PDZD2: variants seen among roughly 807,000 people sequenced by gnomAD.
PDZD2 encodes PDZ domain containing 2.
PDZD2 carries 90 observed loss-of-function variants against 220.7 expected under a neutral mutation model. The observed-to-expected ratio is 0.41, with a 90% CI of 0.34 to 0.49. The LOEUF (loss-of-function observed/expected upper bound fraction) is 0.49, where lower values mean the gene tolerates loss of function less well. Ranked by LOEUF, PDZD2 falls within the 20% of genes least tolerant of loss-of-function variation. The probability of loss-of-function intolerance (pLI) is 0.28; values close to 1 mark genes in which losing one functional copy is unlikely to be tolerated. For missense variants in PDZD2, 3,174 were observed against 3,608.5 expected (o/e 0.88, Z 3.08); for synonymous variants, 1,375 against 1,450.5 (o/e 0.95, Z 1.18).
intron 1 of PDZD2, among the ~76,000 whole-genome samples, chr5:31,725,199 G>C (rs367806538): frequency 6.6e-6 from 1 of 151,960 alleles, no homozygotes; most frequent in Non-Finnish European, 1.5e-5. Flanking sequence ...TTAGCCAGGC[G>C]TGGTGGCACA....
chr5:31,871,342 GA>G (rs1738774641), intron 2 of PDZD2, among the ~76,000 whole-genome samples: 1 of 152,210 alleles, frequency 6.6e-6, no homozygotes, highest in South Asian at 2.1e-4. Flanking sequence ...ATCTAATGGA[GA>G]AGTCTTTAAT....
At chr5:31,944,247 A>G (rs1746449071) in intron 2 of PDZD2, among the ~76,000 whole-genome samples, 1 of 152,210 alleles carries the variant, frequency 6.6e-6, no homozygotes, top group Non-Finnish European at 1.5e-5. Flanking sequence ...AGAAGGAAGA[A>G]AAGGAACCCT....
chr5:31,762,140 C>T (rs949010867), intron 1 of PDZD2, among the ~76,000 whole-genome samples: 1 of 152,220 alleles, frequency 6.6e-6, no homozygotes, highest in African/African-American at 2.4e-5. Context: ...CCCCTCCTAC[C>T]AGGCTCCACC....
intron 1 of PDZD2, among the ~76,000 whole-genome samples, chr5:31,791,538 C>T (rs1010949912): frequency 6.7e-5 from 9 of 133,812 alleles, no homozygotes; most frequent in Admixed American, 8.9e-5. Flanking sequence ...TATGGTGAGC[C>T]GAGATCGTGC....
At chr5:31,881,536 C>T (rs188412524) in intron 2 of PDZD2, among the ~76,000 whole-genome samples, 2 of 151,700 alleles carry the variant, frequency 1.3e-5, no homozygotes, top group African/African-American at 4.8e-5. Flanking sequence ...TGCTACCATG[C>T]CTGGCAAATT....
chr5:32,041,704 C>T (rs372388298), intron 7 of PDZD2, among the ~76,000 whole-genome samples: 3,117 of 151,954 alleles, frequency 0.021, 110 homozygotes, highest in African/African-American at 0.07. Context: ...ACAAACACTG[C>T]GGAAGGCCAC....
chr5:31,743,721 C>A (rs1026687722), intron 1 of PDZD2, among the ~76,000 whole-genome samples: 7 of 152,034 alleles, frequency 4.6e-5, no homozygotes, highest in African/African-American at 1.7e-4. Flanking sequence ...GTCCATCTAT[C>A]CCCAGCAACC....
At chr5:31,993,866 T>C (rs1308927183) in intron 3 of PDZD2, among the ~76,000 whole-genome samples, 1 of 152,156 alleles carries the variant, frequency 6.6e-6, no homozygotes, top group Non-Finnish European at 1.5e-5. Context: ...GCTAAGGACT[T>C]GGGGGAAGTC....
intron 2 of PDZD2, among the ~76,000 whole-genome samples, chr5:31,920,926 C>T (rs1286355623): frequency 1.3e-5 from 2 of 152,196 alleles, no homozygotes; most frequent in Non-Finnish European, 2.9e-5. Context: ...AAGTTTCCTT[C>T]ATGTCTTCGT....
At chr5:31,874,046 T>C (rs115459295) in intron 2 of PDZD2, among the ~76,000 whole-genome samples, 149 of 152,220 alleles carry the variant, frequency 9.8e-4, no homozygotes, top group Non-Finnish European at 1.6e-3. Context: ...TGAGTCTTAA[T>C]TGGGTGCAGG....
At chr5:31,890,468 G>T (rs952709570) in intron 2 of PDZD2, among the ~76,000 whole-genome samples, 1 of 152,116 alleles carries the variant, frequency 6.6e-6, no homozygotes, top group Non-Finnish European at 1.5e-5. Context: ...TCGATTCCCG[G>T]TAGGGAAAAA....
intron 2 of PDZD2, among the ~76,000 whole-genome samples, chr5:31,907,280 G>A (rs988208491): frequency 6.6e-6 from 1 of 152,222 alleles, no homozygotes; most frequent in Non-Finnish European, 1.5e-5. Flanking sequence ...TTCCTGGGTT[G>A]TAGATGGCTG....
chr5:31,782,707 A>T (rs1285258938), intron 1 of PDZD2, among the ~76,000 whole-genome samples: 4 of 96,512 alleles, frequency 4.1e-5, no homozygotes, highest in Admixed American at 1.3e-4. Context: ...ACCACTTTAG[A>T]TTTTTTTTTT....
intron 1 of PDZD2, among the ~76,000 whole-genome samples, chr5:31,714,949 C>T (rs919294481): frequency 4.6e-5 from 7 of 151,752 alleles, no homozygotes; most frequent in African/African-American, 1.7e-4. Context: ...GTCTCAGCTA[C>T]TCGGGAGGCT....
intron 1 of PDZD2, among the ~76,000 whole-genome samples, chr5:31,645,333 CT>C (rs1226259458): frequency 0.3 from 37,248 of 122,758 alleles, 6,333 homozygotes; most frequent in African/African-American, 0.52. Context: ...CTCTTGGTCT[CT>C]TTTTTTTTTT....
chr5:32,048,398 C>T (rs1738183476), intron 7 of PDZD2, 141 bp from the exon 8 acceptor site: 1 of 663,948 alleles, frequency 1.5e-6, no homozygotes, highest in African/African-American at 1.8e-5. Flanking sequence ...ATGGGCTAGG[C>T]TCTGTGCTTT....
rs1231464584 is a variant in PDZD2, at chr5:31,639,162, G to T, written c.-636G>T. ...CGGCGGATCCCCTGCGCAGCGAGGC[G>T]AGGAGCGGACCCCAGCGCCGGTGCG... is the stretch of plus-strand genomic sequence containing the variant. On this transcript the variant is annotated 5_prime_UTR_variant, in exon 1 of 25. Transcript: ENST00000438447. This position sits in a 1 kb window ranked among gnomAD's most constrained non-coding sequence, Gnocchi z 4.1. 6.6e-6 allele frequency among the ~76,000 whole-genome samples: 1 copy of T among 152,074 alleles called. No homozygotes were observed. Among genetic ancestry groups the T allele is most frequent in the Non-Finnish European group, 1.5e-5 (1 of 67,968 alleles).
intron 1 of PDZD2, among the ~76,000 whole-genome samples, chr5:31,729,010 C>T (rs1027132887): frequency 4.0e-4 from 60 of 151,256 alleles, no homozygotes; most frequent in African/African-American, 1.2e-3. Context: ...TGAGCCACCG[C>T]GCCCGGCCGC....
At chr5:31,775,545 T>G (rs1290657196) in intron 1 of PDZD2, among the ~76,000 whole-genome samples, 1 of 151,964 alleles carries the variant, frequency 6.6e-6, no homozygotes, top group Non-Finnish European at 1.5e-5. Context: ...CTGATGAGAG[T>G]AGGGCTGCAA....
Sources: allele counts gnomAD v4.1 joint callset (sites outside exome capture counted in the v4.1 genomes callset), GRCh38; gene constraint gnomAD v4.1.1; non-coding constraint Gnocchi (gnomAD v3.1); transcripts MANE v1.5; gene names NCBI Gene and HGNC (gene_info 2026-07-23, HGNC 2026-07-21).